Variants in PLEKHG7 observed in about 807,000 individuals in gnomAD.
PLEKHG7 encodes pleckstrin homology and RhoGEF domain containing G7, also known as pleckstrin homology domain-containing family G member 7.
In PLEKHG7, 77 loss-of-function variants were observed where a neutral mutation model predicts 85.2. That is an observed-to-expected ratio of 0.90 (90% CI 0.75 to 1.09). The LOEUF is 1.09. PLEKHG7 is among the 50% of genes least tolerant of loss of function. PLEKHG7 has a pLI of 0.00. For synonymous variants in PLEKHG7, 301 were observed against 302.4 expected (o/e 1.00, Z 0.05); for missense variants, 777 against 804.3 (o/e 0.97, Z 0.41).
chr12:92,753,483 G>A (rs778274288), intron 10 of PLEKHG7, among the ~76,000 whole-genome samples: 16 of 152,094 alleles, frequency 1.1e-4, no homozygotes, highest in Middle Eastern at 3.4e-3. Flanking sequence ...TGTCTTCCCC[G>A]GTGCTGGCAT....
chr12:92,728,871 TA>T, intron 3 of PLEKHG7, 121 bp from the exon 4 acceptor site: 1 of 704,716 alleles, frequency 1.4e-6, no homozygotes, highest in Non-Finnish European at 2.0e-6. Flanking sequence ...CAATGGACTA[TA>T]AGCATCCCTT....
At chr12:92,719,545 G>A (rs982321228) in intron 3 of PLEKHG7, among the ~76,000 whole-genome samples, 9 of 152,310 alleles carry the variant, frequency 5.9e-5, no homozygotes, top group African/African-American at 9.6e-5. Flanking sequence ...GGCAACATTC[G>A]TAGCAAAGGA....
At chr12:92,761,652 AAGAAAGAAAG>A (rs1479525178) in intron 13 of PLEKHG7, 90 bp from the exon 14 acceptor site, 1 of 1,180,306 alleles carries the variant, frequency 8.5e-7, no homozygotes, top group East Asian at 3.3e-5. Context: ...GAAAGAAAGA[AAGAAAGAAAG>A]AAAGAAAGAA....
chr12:92,707,182 A>C lies in PLEKHG7; in HGVS notation c.507+44A>C, dbSNP rs763887069. On this transcript the variant is annotated intron_variant, in intron 2 of 16. Transcript: ENST00000344636. ...TCCGGCCTCTCAGTTGCTGAACCAC[A>C]AAGCAAAATAGATCTCAGAGTTGCT... 288 of 1,568,974 alleles carry C rather than the reference A, an allele frequency of 1.8e-4. 1 individual carries two copies. Among genetic ancestry groups the C allele is most frequent in the Non-Finnish European group, 2.3e-4 (264 of 1,159,792 alleles).
At chr12:92,746,101 A>C (rs1316744492) in intron 10 of PLEKHG7, among the ~76,000 whole-genome samples, 1 of 152,088 alleles carries the variant, frequency 6.6e-6, no homozygotes, top group East Asian at 1.9e-4. Context: ...TAAAAGAAGA[A>C]TTTTCTGCCA....
At chr12:92,711,653 G>T (rs921642212) in intron 3 of PLEKHG7, among the ~76,000 whole-genome samples, 1 of 152,168 alleles carries the variant, frequency 6.6e-6, no homozygotes, top group Non-Finnish European at 1.5e-5. Flanking sequence ...GCAGAAGATG[G>T]CAGGGTCTTG....
chr12:92,710,471 T>A (rs1474136678), intron 3 of PLEKHG7, among the ~76,000 whole-genome samples: 4 of 152,176 alleles, frequency 2.6e-5, no homozygotes, highest in African/African-American at 9.7e-5. Flanking sequence ...TGATGGTGGA[T>A]AAGGCATTCC....
At chr12:92,723,641 A>T (rs1426583066) in intron 3 of PLEKHG7, among the ~76,000 whole-genome samples, 1 of 152,166 alleles carries the variant, frequency 6.6e-6, no homozygotes, top group African/African-American at 2.4e-5. Context: ...TATTGTCTGC[A>T]TTTCCCAAAT....
intron 7 of PLEKHG7, among the ~76,000 whole-genome samples, chr12:92,740,497 A>G (rs1012872628): frequency 1.3e-5 from 2 of 152,174 alleles, no homozygotes; most frequent in Non-Finnish European, 2.9e-5. Flanking sequence ...AGAATACACC[A>G]TGAATATTGT....
chr12:92,717,049 G>A (rs915812773), intron 3 of PLEKHG7, among the ~76,000 whole-genome samples: 1 of 152,168 alleles, frequency 6.6e-6, no homozygotes, highest in Non-Finnish European at 1.5e-5. Context: ...ATGCTTTTGT[G>A]GATAGGGAAA....
At chr12:92,711,016 T>C (rs1266564857) in intron 3 of PLEKHG7, among the ~76,000 whole-genome samples, 2 of 152,194 alleles carry the variant, frequency 1.3e-5, no homozygotes, top group Non-Finnish European at 2.9e-5. Flanking sequence ...GTCACCAATT[T>C]TCCAATCATA....
At chr12:92,768,686 G>A (rs894829086) in intron 15 of PLEKHG7, among the ~76,000 whole-genome samples, 13 of 152,192 alleles carry the variant, frequency 8.5e-5, no homozygotes, top group Non-Finnish European at 5.9e-5. Flanking sequence ...TGTTTAGCTT[G>A]TTCTACGAGC....
chr12:92,760,242 C>A (rs981751903), intron 13 of PLEKHG7, among the ~76,000 whole-genome samples: 1 of 152,128 alleles, frequency 6.6e-6, no homozygotes, highest in South Asian at 2.1e-4. Flanking sequence ...GATTCTACTG[C>A]TACAAGAGAA....
chr12:92,707,829 A>G, intron 3 of PLEKHG7, 157 bp downstream of exon 3: 2 of 1,276,152 alleles, frequency 1.6e-6, no homozygotes, highest in Non-Finnish European at 2.2e-6. Context: ...TAGGTGCACG[A>G]GTTTTCATTT....
chr12:92,766,653 G>C (rs1873206844), intron 15 of PLEKHG7, among the ~76,000 whole-genome samples: 1 of 152,022 alleles, frequency 6.6e-6, no homozygotes, highest in Non-Finnish European at 1.5e-5. Flanking sequence ...GACCAGCCTG[G>C]TCAACGTGGT....
chr12:92,761,662 GAAAGA>G (rs1310462335), intron 13 of PLEKHG7, 85 bp from the exon 14 acceptor site: 12 of 1,330,096 alleles, frequency 9.0e-6, no homozygotes, highest in Admixed American at 3.9e-5. Flanking sequence ...AAGAAAGAAA[GAAAGA>G]AAGAAAGAAA....
At chr12:92,758,815 T>C (rs1872907418) in intron 13 of PLEKHG7, among the ~76,000 whole-genome samples, 1 of 152,086 alleles carries the variant, frequency 6.6e-6, no homozygotes, top group African/African-American at 2.4e-5. Flanking sequence ...GGACTCAGAG[T>C]TGAGCATCGA....
chr12:92,711,786 A>C (rs2136572457), intron 3 of PLEKHG7, among the ~76,000 whole-genome samples: 1 of 152,310 alleles, frequency 6.6e-6, no homozygotes, highest in South Asian at 2.1e-4. Flanking sequence ...CATATGGCCC[A>C]AGTGGCAGAG....
At chr12:92,761,628 A>AAG (rs1219998879) in intron 13 of PLEKHG7, 124 bp from the exon 14 acceptor site, 4 of 104,720 alleles carry the variant, frequency 3.8e-5, no homozygotes, top group African/African-American at 2.3e-4. Flanking sequence ...AGAAAGAAGA[A>AAG]AGAAAGAAAG....
Sources: gnomAD v4.1 joint callset for allele counts (sites outside exome capture counted in the v4.1 genomes callset) on GRCh38, gnomAD v4.1.1 for gene constraint, MANE v1.5 for transcripts, NCBI Gene and HGNC (gene_info 2026-07-23, HGNC 2026-07-21) for gene names.